The following SMCO2 variants were observed in gnomAD, a reference collection of about 807,000 sequenced individuals.
SMCO2 encodes the protein single-pass membrane and coiled-coil domain-containing protein 2.
Under a neutral mutation model 29.5 loss-of-function variants are expected in SMCO2, and 25 were observed. The ratio of observed to expected loss-of-function variants is 0.85; its 90% confidence interval spans 0.62 to 1.18. SMCO2 has a LOEUF of 1.18. Among genes scored for constraint, SMCO2 ranks in the 50% most tolerant of loss-of-function variants. The pLI, the probability that SMCO2 is intolerant of heterozygous loss-of-function variation, is 0.00. For missense variants in SMCO2, 348 were observed against 344.5 expected (o/e 1.01, Z -0.08); for synonymous variants, 117 against 123.3 (o/e 0.95, Z 0.34).
chr12:27,464,630 T>C (rs1949483032), upstream of SMCO2, among the ~76,000 whole-genome samples: 1 of 144,580 alleles, frequency 6.9e-6, no homozygotes, highest in Admixed American at 7.2e-5. Context: ...GGTGGGAAGA[T>C]GGCTTGAGCC....
the SMCO2 span, among the ~76,000 whole-genome samples, chr12:27,454,444 A>T: frequency 1.3e-5 from 2 of 152,122 alleles, no homozygotes; most frequent in Non-Finnish European, 2.9e-5. Flanking sequence ...TATTTATAGG[A>T]TGATAATGGG....
intron 5 of SMCO2, among the ~76,000 whole-genome samples, chr12:27,491,981 T>C (rs1230398957): frequency 6.6e-6 from 1 of 152,160 alleles, no homozygotes; most frequent in Non-Finnish European, 1.5e-5. Context: ...AGTGCTGGGA[T>C]GACAGGCATG....
intron 1 of SMCO2, among the ~76,000 whole-genome samples, chr12:27,469,899 G>A (rs1192601073): frequency 1.3e-5 from 2 of 152,194 alleles, no homozygotes; most frequent in African/African-American, 4.8e-5. Context: ...CTTACACACA[G>A]CTGATGCCAG....
intron 7 of SMCO2, among the ~76,000 whole-genome samples, chr12:27,499,652 G>C (rs189073267): frequency 6.6e-6 from 1 of 150,722 alleles, no homozygotes; most frequent in African/African-American, 2.5e-5. Context: ...TTCACGTATC[G>C]CTTTATTGTG....
chr12:27,450,311 C>T, the SMCO2 span, among the ~76,000 whole-genome samples: 63 of 152,170 alleles, frequency 4.1e-4, 1 homozygote, highest in Non-Finnish European at 1.8e-4. Flanking sequence ...TGCCCCCACC[C>T]CCCACCAACT....
intron 4 of SMCO2, among the ~76,000 whole-genome samples, chr12:27,480,462 G>T (rs142452495): frequency 6.6e-6 from 1 of 152,132 alleles, no homozygotes; most frequent in Non-Finnish European, 1.5e-5. Context: ...TTGACATCTA[G>T]TATTAACTAT....
At chr12:27,457,135 T>C in the SMCO2 span, among the ~76,000 whole-genome samples, 1 of 151,964 alleles carries the variant, frequency 6.6e-6, no homozygotes, top group African/African-American at 2.4e-5. Context: ...AGAGGTTGGC[T>C]ACCCCGATCA....
At chr12:27,461,998 C>G (rs1949462453), upstream of SMCO2, among the ~76,000 whole-genome samples, 1 of 152,192 alleles carries the variant, frequency 6.6e-6, no homozygotes, top group Non-Finnish European at 1.5e-5. Flanking sequence ...TGTTATTTAT[C>G]TTTATCTAAA....
At chr12:27,495,737 G>A in exon 7 of SMCO2, 3 of 1,537,346 alleles carry the variant, frequency 2.0e-6, no homozygotes, top group Non-Finnish European at 2.6e-6. Context: ...TCAAATGGAG[G>A]CAGAGGACAC....
chr12:27,429,879 G>C, the SMCO2 span, among the ~76,000 whole-genome samples: 2 of 152,084 alleles, frequency 1.3e-5, no homozygotes, highest in African/African-American at 4.8e-5. Flanking sequence ...TAAATATGTT[G>C]ATATTTCTTG....
At chr12:27,465,602 C>A (rs918322995), upstream of SMCO2, among the ~76,000 whole-genome samples, 21 of 152,224 alleles carry the variant, frequency 1.4e-4, no homozygotes, top group Admixed American at 4.6e-4. Flanking sequence ...CCATAAAAAT[C>A]ATGCCTACCA....
the SMCO2 span, among the ~76,000 whole-genome samples, chr12:27,443,266 T>C: frequency 3.3e-5 from 5 of 152,148 alleles, no homozygotes; most frequent in African/African-American, 1.2e-4. Context: ...ATAAAAACCA[T>C]ATGATTATTT....
Position 27,497,968 on chromosome 12 carries a change from GT to G in SMCO2, c.683+2116del. 4 of 323,048 alleles carry G rather than the reference GT, an allele frequency of 1.2e-5. 1 individual carries two copies. In the South Asian group the frequency reaches 1.5e-4, roughly 12 times the overall value. The allele number at this position is 323,048 out of a possible 1,614,324, so 20.0% of individuals were successfully genotyped here. The stretch of plus-strand genomic sequence containing the variant: ...GTGTGTTGCTAGGGGAAGACAAGAA[GT>G]TTAATATATGTTCAGATGAAACAGT... On this transcript the variant is annotated intron_variant, in intron 7 of 7. Coordinates refer to ENST00000298876, the Ensembl canonical transcript of SMCO2.
the SMCO2 span, among the ~76,000 whole-genome samples, chr12:27,452,147 C>T: frequency 6.6e-6 from 1 of 152,098 alleles, no homozygotes; most frequent in Non-Finnish European, 1.5e-5. Context: ...AGGGTGGATA[C>T]TAGGGAAAGT....
chr12:27,493,085 G>T (rs1246926269), intron 5 of SMCO2, among the ~76,000 whole-genome samples: 1 of 152,156 alleles, frequency 6.6e-6, no homozygotes, highest in African/African-American at 2.4e-5. Context: ...CTCAGGAACA[G>T]AAAATCAATA....
rs114541660 is a variant in SMCO2 at position 27,481,173 on chromosome 12, T to C, written c.362+6260T>C. 7.5e-3 allele frequency among the ~76,000 whole-genome samples: 1,140 copies of C among 152,190 alleles called. 14 individuals carry two copies. Among genetic ancestry groups the C allele is most frequent in the African/African-American group, 0.026 (1,072 of 41,518 alleles). ...GGCTATTGGGCCCCAGGGCAGGAGGTAGTCTGTGGCTGCTGGGCTCTCAAA... is the reference window on the plus strand; with the variant it reads ...GGCTATTGGGCCCCAGGGCAGGAGGCAGTCTGTGGCTGCTGGGCTCTCAAA... On this transcript the variant is annotated intron_variant, in intron 4 of 7. Coordinates refer to ENST00000298876, the Ensembl canonical transcript of SMCO2.
intron 4 of SMCO2, among the ~76,000 whole-genome samples, chr12:27,476,447 G>A (rs1483862338): frequency 6.6e-6 from 1 of 152,116 alleles, no homozygotes; most frequent in Non-Finnish European, 1.5e-5. Flanking sequence ...GTCCAATGCT[G>A]TGAGTCTGGC....
chr12:27,451,626 G>A, the SMCO2 span, among the ~76,000 whole-genome samples: 1 of 152,216 alleles, frequency 6.6e-6, no homozygotes, highest in Admixed American at 6.5e-5. Context: ...CAGTGCCTCA[G>A]CATTGCACTT....
intron 4 of SMCO2, among the ~76,000 whole-genome samples, chr12:27,483,573 G>A (rs1287500782): frequency 1.3e-5 from 2 of 151,668 alleles, no homozygotes; most frequent in African/African-American, 4.9e-5. Context: ...TGTGCACCAT[G>A]ATGCCCAGCT....
Sources: allele counts gnomAD v4.1 joint callset (sites outside exome capture counted in the v4.1 genomes callset), GRCh38; gene constraint gnomAD v4.1.1; transcripts MANE v1.5; gene names NCBI Gene and HGNC (gene_info 2026-07-23, HGNC 2026-07-21).